Variants in AFAP1 observed in about 807,000 individuals in gnomAD.
AFAP1 encodes actin filament-associated protein 1.
Under a neutral mutation model 93.9 loss-of-function variants are expected in AFAP1, and 75 were observed. The observed-to-expected ratio is 0.80, with a 90% CI of 0.66 to 0.97. The LOEUF (loss-of-function observed/expected upper bound fraction) is 0.97, where lower values mean the gene tolerates loss of function less well. Among genes scored for constraint, AFAP1 ranks in the 50% least tolerant of loss-of-function variants. The pLI is 0.00. For synonymous variants in AFAP1, 517 were observed against 430.7 expected (o/e 1.20, Z -2.48); for missense variants, 1,201 against 1,050.8 (o/e 1.14, Z -1.98).
intron 10 of AFAP1, among the ~76,000 whole-genome samples, chr4:7,796,515 C>G (rs1430920789): frequency 6.6e-6 from 1 of 151,874 alleles, no homozygotes; most frequent in Non-Finnish European, 1.5e-5. Flanking sequence ...TTTGGGAGGC[C>G]GAGGCGGGCG....
At chr4:7,768,370 G>C (rs939324311) in intron 17 of AFAP1, among the ~76,000 whole-genome samples, 1 of 152,268 alleles carries the variant, frequency 6.6e-6, no homozygotes, top group African/African-American at 2.4e-5. Context: ...GGAGTAAACA[G>C]GTTCCTCCGA....
At chr4:7,927,299 C>T (rs180788738) in intron 1 of AFAP1, among the ~76,000 whole-genome samples, 32 of 152,240 alleles carry the variant, frequency 2.1e-4, no homozygotes, top group African/African-American at 7.7e-4. Flanking sequence ...CTAAGAGCTC[C>T]GAAGCCAGCT....
intron 1 of AFAP1, among the ~76,000 whole-genome samples, chr4:7,897,516 T>C (rs1304217249): frequency 7.1e-6 from 1 of 141,210 alleles, no homozygotes; most frequent in African/African-American, 2.5e-5. Context: ...CTTGTTTTTT[T>C]TGTTTGTTTG....
chr4:7,871,868 A>G (rs1717080221), intron 2 of AFAP1, 84 bp downstream of exon 2: 1 of 1,501,282 alleles, frequency 6.7e-7, no homozygotes, highest in African/African-American at 1.4e-5. Context: ...AAATAAATAT[A>G]TTTTAGAAAG....
chr4:7,851,624 A>G (rs182782682), intron 4 of AFAP1, among the ~76,000 whole-genome samples: 5 of 152,262 alleles, frequency 3.3e-5, no homozygotes, highest in Admixed American at 3.3e-4. Flanking sequence ...TTCTTGTCCA[A>G]ATGGGCTCAC....
chr4:7,936,382 G>A (rs1232418594), intron 1 of AFAP1, among the ~76,000 whole-genome samples: 2 of 150,712 alleles, frequency 1.3e-5, no homozygotes, highest in Non-Finnish European at 2.9e-5. Flanking sequence ...CTGGAGTGCA[G>A]TAGCATGATT....
At chr4:7,880,603 G>A (rs574028407) in intron 1 of AFAP1, among the ~76,000 whole-genome samples, 30 of 152,258 alleles carry the variant, frequency 2.0e-4, no homozygotes, top group African/African-American at 5.5e-4. Flanking sequence ...CACAAGTGTG[G>A]TAACTGAGGC....
At chr4:7,804,764 G>C (rs1034827292) in intron 9 of AFAP1, among the ~76,000 whole-genome samples, 1 of 152,142 alleles carries the variant, frequency 6.6e-6, no homozygotes, top group Non-Finnish European at 1.5e-5. Flanking sequence ...TGGCCAAAAC[G>C]TTCAACACTT....
chr4:7,763,981 T>G (rs1321136550), intron 17 of AFAP1, among the ~76,000 whole-genome samples, 190 bp from the exon 18 acceptor site: 1 of 152,090 alleles, frequency 6.6e-6, no homozygotes, highest in African/African-American at 2.4e-5. Context: ...GAGCATGGTC[T>G]CCAGCAGATA....
chr4:7,869,144 A>AGAAAGG (rs200955199), intron 2 of AFAP1, among the ~76,000 whole-genome samples: 8 of 151,730 alleles, frequency 5.3e-5, no homozygotes, highest in Admixed American at 1.3e-4. Context: ...AGAATAAAAG[A>AGAAAGG]GAAAGGGAAA....
chr4:7,867,123 T>TAGGGGAGCGGAGGGGAGGGG (rs1560209673), intron 3 of AFAP1, among the ~76,000 whole-genome samples: 1 of 60,370 alleles, frequency 1.7e-5, no homozygotes, highest in Non-Finnish European at 2.9e-5. Flanking sequence ...GAGGGGAGGG[T>TAGGGGAGCGGAGGGGAGGGG]AGGGGAGCGG....
In AFAP1 at chr4:7,793,674, G is replaced by A. The variant is rs1286566374; in HGVS notation, c.1412+7C>T. The A allele has an allele frequency of 1.3e-6, 2 of 1,532,506 alleles. No individual in the cohort carries two copies. The highest frequency in any genetic ancestry group is 1.8e-6 in the Non-Finnish European group (2 of 1,123,378). The allele number at this position is 1,532,506 out of a possible 1,614,324, so 94.9% of individuals were successfully genotyped here. ...GTGGTGCCATTTCACATGGCAGTGG[G>A]TCTTACCAGAAGGTCTGTTTGGCTG... is the stretch of plus-strand genomic sequence containing the variant. On this transcript the variant is annotated splice_region_variant and intron_variant, in intron 11 of 17. Coordinates refer to ENST00000420658, the MANE Select transcript of AFAP1 (RefSeq NM_001134647.2).
At position 7,774,903 on chromosome 4, in the gene AFAP1, T is replaced by C. The variant is rs764697120; in HGVS notation, c.1898A>G (p.Asn633Ser). The C allele has an allele frequency of 1.2e-6, 2 of 1,601,724 alleles. No homozygotes were observed. Among genetic ancestry groups the C allele is most frequent in the South Asian group, 1.1e-5 (1 of 88,160 alleles). ...PAAVVKRTGS[N>S]AAQYKYGKNR... is the part of the protein sequence containing the mutation. ...CTTGCCATACTTGTACTGGGCAGCA[T>C]CTTGAGAAGAAAAAAAAGCAGCAAT... Residue 633 changes from asparagine (N) to serine (S), a missense_variant and splice_region_variant, in exon 15 of 18, where the codon AAT becomes AGT. Transcript: ENST00000420658.
intron 1 of AFAP1, among the ~76,000 whole-genome samples, chr4:7,874,408 G>C (rs1309131109): frequency 7.5e-6 from 1 of 133,810 alleles, no homozygotes; most frequent in East Asian, 2.4e-4. Flanking sequence ...TTGTCACCCA[G>C]GCTGGAGTGC....
At chr4:7,932,946 G>C (rs1362452490) in intron 1 of AFAP1, among the ~76,000 whole-genome samples, 1 of 149,018 alleles carries the variant, frequency 6.7e-6, no homozygotes, top group Non-Finnish European at 1.5e-5. Flanking sequence ...CTTGAACCTG[G>C]GAGGTGGAAG....
intron 3 of AFAP1, among the ~76,000 whole-genome samples, chr4:7,856,667 G>A (rs1460560381): frequency 6.6e-6 from 1 of 152,186 alleles, no homozygotes; most frequent in Non-Finnish European, 1.5e-5. Context: ...CTGGCCTTCA[G>A]GACTGTGCTC....
chr4:7,765,914 A>C (rs1714496268), intron 17 of AFAP1, among the ~76,000 whole-genome samples: 1 of 152,204 alleles, frequency 6.6e-6, no homozygotes, highest in African/African-American at 2.4e-5. Context: ...CCGGCCACCA[A>C]AGAGGGACTT....
In AFAP1 at chr4:7,772,801, G is replaced by A; in HGVS notation, c.2253+19C>T. 2 of 1,609,264 alleles carry A rather than the reference G, an allele frequency of 1.2e-6. No individual in the cohort carries two copies. Among genetic ancestry groups the A allele is most frequent in the East Asian group, 2.2e-5 (1 of 44,782 alleles). Reference sequence around the variant, plus strand: ...GCAAGGCCGCGCCAGCCTCCGAGGTGAGCCAGAAGGACACACACCTGTGGA... The same window carrying A: ...GCAAGGCCGCGCCAGCCTCCGAGGTAAGCCAGAAGGACACACACCTGTGGA... On this transcript the variant is annotated intron_variant, in intron 16 of 17. Transcript: ENST00000420658.
chr4:7,849,005 C>T (rs1318229598), intron 4 of AFAP1, among the ~76,000 whole-genome samples: 1 of 152,182 alleles, frequency 6.6e-6, no homozygotes, highest in Non-Finnish European at 1.5e-5. Flanking sequence ...TAGGGCGTCA[C>T]GACTTTCCAA....
Sources: allele counts gnomAD v4.1 joint callset (sites outside exome capture counted in the v4.1 genomes callset), GRCh38; gene constraint gnomAD v4.1.1; transcripts MANE v1.5; gene names NCBI Gene and HGNC (gene_info 2026-07-23, HGNC 2026-07-21).